ZNHIT6: variants seen among roughly 807,000 people sequenced by gnomAD.
ZNHIT6 encodes the protein zinc finger HIT-type containing 6.
In ZNHIT6, 45 loss-of-function variants were observed where a neutral mutation model predicts 57.2. That is an observed-to-expected ratio of 0.79 (90% confidence interval 0.62 to 1.01). The LOEUF (loss-of-function observed/expected upper bound fraction) is 1.01, where lower values mean the gene tolerates loss of function less well. Ranked by LOEUF, ZNHIT6 falls within the 50% of genes least tolerant of loss-of-function variation. The pLI is 0.00. For synonymous variants in ZNHIT6, 188 were observed against 190.0 expected (o/e 0.99, Z 0.09); for missense variants, 528 against 567.3 (o/e 0.93, Z 0.70).
In ZNHIT6 at chr1:85,708,255, CT is replaced by C; in HGVS notation, c.29del (p.Lys10SerfsTer9). Reference sequence around the variant, plus strand: ...CTACGCTGTGGAGACCTCCCCCAGACTTCCCTTCATTTTCAGCAGCAAACTC... The same window carrying C: ...CTACGCTGTGGAGACCTCCCCCAGACTCCCTTCATTTTCAGCAGCAAACTC... MEFAAENEG[K>X]SGGGLHSVAE... On this transcript the variant is annotated frameshift_variant, in exon 1 of 10. Coordinates refer to ENST00000370574, the MANE Select transcript of ZNHIT6 (RefSeq NM_017953.4). LOFTEE classifies it high-confidence loss of function. The C allele has an allele frequency of 6.2e-7, 1 of 1,604,772 alleles. No individual in the cohort carries two copies. Among genetic ancestry groups the C allele is most frequent in the Non-Finnish European group, 8.5e-7 (1 of 1,173,272 alleles).
intron 5 of ZNHIT6, 30 bp from the exon 6 acceptor site, chr1:85,680,934 A>G (rs1032863646): frequency 1.3e-6 from 2 of 1,544,276 alleles, no homozygotes. Flanking sequence ...TGTGAGAATC[A>G]AGGTAGATAA....
At chr1:85,676,630 T>C (rs1204103655) in intron 8 of ZNHIT6, among the ~76,000 whole-genome samples, 1 of 152,166 alleles carries the variant, frequency 6.6e-6, no homozygotes, top group East Asian at 1.9e-4. Flanking sequence ...TCTCAAGGAA[T>C]AGGGAGGCCT....
At chr1:85,669,769 T>C (rs1242517144) in intron 8 of ZNHIT6, among the ~76,000 whole-genome samples, 2 of 152,198 alleles carry the variant, frequency 1.3e-5, no homozygotes, top group Admixed American at 1.3e-4. Context: ...TGCCCTCCAC[T>C]GGGCACCTTT....
At chr1:85,665,453 A>G (rs561821243) in intron 8 of ZNHIT6, among the ~76,000 whole-genome samples, 2 of 152,142 alleles carry the variant, frequency 1.3e-5, no homozygotes, top group East Asian at 3.9e-4. Context: ...ATGTATGTAT[A>G]TGTTGTGAAA....
At position 85,680,874 on chromosome 1, in the gene ZNHIT6, G is replaced by A; in HGVS notation, c.1050C>T (p.Leu350=). The part of the protein sequence containing the change: ...KKQQFCWHVK[L]QFPQSQAEYI... ...ACTCAGCTTGACTTTGAGGAAACTG[G>A]AGCTTCACATGCCAACAAAACTGTT... Residue 350 remains leucine (L), a synonymous_variant, in exon 6 of 10, where the codon CTC becomes CTT. Transcript: ENST00000370574. 3.7e-6 allele frequency: 6 copies of A among 1,612,566 alleles called. No homozygotes were observed. The highest frequency in any genetic ancestry group is 5.1e-6 in the Non-Finnish European group (6 of 1,179,352).
At chr1:85,686,094 T>C (rs1662026415) in intron 5 of ZNHIT6, among the ~76,000 whole-genome samples, 1 of 152,026 alleles carries the variant, frequency 6.6e-6, no homozygotes, top group South Asian at 2.1e-4. Context: ...CTCTAGTAGT[T>C]GGGACTACAG....
intron 8 of ZNHIT6, among the ~76,000 whole-genome samples, chr1:85,666,226 C>T (rs1429696960): frequency 2.0e-5 from 3 of 152,058 alleles, no homozygotes; most frequent in East Asian, 3.9e-4. Context: ...GGGTAGAGAG[C>T]GGATATGTTT....
rs1280719764 is a variant in ZNHIT6 at position 85,680,862 on chromosome 1, T to C, written c.1062A>G (p.Gln354=). The change falls in exon 6 of 10, where the codon CAA becomes CAG. Residue 354 remains glutamine (Q), a synonymous_variant. Transcript: ENST00000370574. Reference sequence around the variant, plus strand: ...TTTTTTCTATGTACTCAGCTTGACTTTGAGGAAACTGGAGCTTCACATGCC... The same window carrying C: ...TTTTTTCTATGTACTCAGCTTGACTCTGAGGAAACTGGAGCTTCACATGCC... ...FCWHVKLQFP[Q]SQAEYIEKRV... The C allele has an allele frequency of 1.2e-6, 2 of 1,612,760 alleles. No homozygotes were observed. The highest frequency in any genetic ancestry group is 2.2e-5 in the East Asian group (1 of 44,776).
chr1:85,699,808 T>G (rs572861478), intron 5 of ZNHIT6, among the ~76,000 whole-genome samples: 2 of 152,016 alleles, frequency 1.3e-5, no homozygotes, highest in Non-Finnish European at 2.9e-5. Flanking sequence ...AAACAAGACA[T>G]AAAATAAATG....
chr1:85,679,641 G>A (rs2100680811), intron 6 of ZNHIT6, among the ~76,000 whole-genome samples: 1 of 149,114 alleles, frequency 6.7e-6, no homozygotes, highest in South Asian at 2.1e-4. Context: ...CTGGAGTGCA[G>A]TGGCATGATC....
chr1:85,685,868 C>T (rs1376316135), intron 5 of ZNHIT6, among the ~76,000 whole-genome samples: 1 of 150,638 alleles, frequency 6.6e-6, no homozygotes, highest in Non-Finnish European at 1.5e-5. Flanking sequence ...TGATTTGTTA[C>T]TTTTCATAAT....
chr1:85,685,688 C>G (rs951313751), intron 5 of ZNHIT6, among the ~76,000 whole-genome samples: 1 of 151,880 alleles, frequency 6.6e-6, no homozygotes, highest in Non-Finnish European at 1.5e-5. Context: ...GTGATCCTCT[C>G]GCCTCAGCCC....
At chr1:85,683,744 T>G (rs973026208) in intron 5 of ZNHIT6, among the ~76,000 whole-genome samples, 1 of 152,142 alleles carries the variant, frequency 6.6e-6, no homozygotes, top group Non-Finnish European at 1.5e-5. Flanking sequence ...TTACTTGGAT[T>G]ACTTTCTAAA....
intron 5 of ZNHIT6, among the ~76,000 whole-genome samples, chr1:85,698,849 T>G (rs1453492377): frequency 1.3e-5 from 2 of 152,090 alleles, no homozygotes; most frequent in South Asian, 2.1e-4. Flanking sequence ...CCCAGACCTA[T>G]GAGGGGTGAA....
intron 4 of ZNHIT6, among the ~76,000 whole-genome samples, chr1:85,702,735 T>C (rs1260444322): frequency 1.3e-5 from 2 of 152,324 alleles, no homozygotes; most frequent in African/African-American, 4.8e-5. Flanking sequence ...AGCCAAGGCA[T>C]TGCCTAGTAC....
chr1:85,662,264 G>A (rs1661247372), intron 8 of ZNHIT6, among the ~76,000 whole-genome samples: 1 of 150,336 alleles, frequency 6.7e-6, no homozygotes, highest in Non-Finnish European at 1.5e-5. Context: ...ATGGATCATC[G>A]CCCCTTCCAC....
intron 8 of ZNHIT6, among the ~76,000 whole-genome samples, chr1:85,667,961 A>AAAAAAAAAAAAAAAAAAATATATAT: frequency 2.2e-4 from 4 of 18,194 alleles, no homozygotes; most frequent in Non-Finnish European, 3.0e-4. Context: ...AAAAAAAAAA[A>AAAAAAAAAAAAAAAAAAATATATAT]ATATATATAT....
chr1:85,654,020 G>A lies in ZNHIT6; in HGVS notation c.*38C>T. ...CATCAATGCAGAGTCTGCTGCAGTT[G>A]TCTGGAAGTTTTCACTTTCTTCTTC... On this transcript the variant is annotated 3_prime_UTR_variant, in exon 10 of 10. Transcript: ENST00000370574. 6.3e-7 allele frequency: 1 copy of A among 1,595,176 alleles called. No homozygotes were observed. The highest frequency in any genetic ancestry group is 8.6e-7 in the Non-Finnish European group (1 of 1,165,120).
intron 9 of ZNHIT6, 123 bp from the exon 10 acceptor site, chr1:85,654,221 C>T (rs551694294): frequency 7.7e-5 from 51 of 666,560 alleles, no homozygotes; most frequent in Non-Finnish European, 1.2e-4. Context: ...ACACACAAAC[C>T]GCGTCATGTC....
Sources: gnomAD v4.1 joint callset for allele counts (sites outside exome capture counted in the v4.1 genomes callset) on GRCh38, gnomAD v4.1.1 for gene constraint, MANE v1.5 for transcripts, NCBI Gene and HGNC (gene_info 2026-07-23, HGNC 2026-07-21) for gene names.